Variants in SERINC3 observed in about 807,000 individuals in gnomAD.
SERINC3 encodes serine incorporator 3.
Under a neutral mutation model 52.1 loss-of-function variants are expected in SERINC3, and 22 were observed. The observed-to-expected ratio is 0.42, with a 90% CI of 0.30 to 0.60. The LOEUF is 0.60. Ranked by LOEUF, SERINC3 falls within the 20% of genes least tolerant of loss-of-function variation. The pLI is 0.16. For missense variants in SERINC3, 564 were observed against 584.6 expected, an observed-to-expected ratio of 0.96 and a Z score of 0.36; for synonymous variants, 226 against 212.7, an observed-to-expected ratio of 1.06 and a Z score of -0.54.
At chr20:44,516,344 T>C (rs1053435330) in intron 1 of SERINC3, among the ~76,000 whole-genome samples, 6 of 152,286 alleles carry the variant, frequency 3.9e-5, no homozygotes, top group South Asian at 4.2e-4. Context: ...CTAAAATCTG[T>C]TAGTGACCAC....
At chr20:44,509,110 G>A (rs184602082) in intron 5 of SERINC3, among the ~76,000 whole-genome samples, 138 of 152,312 alleles carry the variant, frequency 9.1e-4, no homozygotes, top group African/African-American at 3.2e-3. Flanking sequence ...TTATGAAGTA[G>A]TAAGTGCTCT....
At chr20:44,516,462 G>A (rs1006736218) in intron 1 of SERINC3, among the ~76,000 whole-genome samples, 4 of 150,952 alleles carry the variant, frequency 2.6e-5, no homozygotes, top group Admixed American at 1.3e-4. Flanking sequence ...ACGCCATCTC[G>A]GCTCACTGCA....
At chr20:44,520,363 T>C (rs971358480) in intron 1 of SERINC3, among the ~76,000 whole-genome samples, 2 of 152,154 alleles carry the variant, frequency 1.3e-5, no homozygotes, top group African/African-American at 4.8e-5. Flanking sequence ...ACCCGTTCCC[T>C]CTACACCTTG....
In SERINC3 at chr20:44,506,965, G is replaced by A. The variant is rs781363126; in HGVS notation, c.645C>T (p.Ile215=). The A allele has an allele frequency of 1.4e-5, 23 of 1,604,978 alleles. No individual in the cohort carries two copies. Among genetic ancestry groups the A allele is most frequent in the African/African-American group, 1.3e-5 (1 of 74,460 alleles). ...ALLSFTSAFY[I]LSIICVGLLY... is the part of the protein sequence containing the mutation. ...GCAGCCCGACACAGATGATTGACAG[G>A]ATATAAAAGGCGCTTGTGAAAGACA... Residue 215 remains isoleucine (I), a synonymous_variant, in exon 6 of 10, where the codon ATC becomes ATT. Transcript: ENST00000342374.
intron 7 of SERINC3, 41 bp from the exon 8 acceptor site, chr20:44,504,036 A>C: frequency 1.4e-4 from 217 of 1,517,572 alleles, no homozygotes; most frequent in Non-Finnish European, 1.7e-4. Context: ...GTTACAGCTC[A>C]TCTTGTTCCA....
chr20:44,516,492 A>T (rs1016237118), intron 1 of SERINC3, among the ~76,000 whole-genome samples: 1 of 151,858 alleles, frequency 6.6e-6, no homozygotes, highest in Non-Finnish European at 1.5e-5. Context: ...TCCTGGGATC[A>T]AGCAATTCTA....
chr20:44,514,185 C>T (rs75927595), intron 1 of SERINC3, 145 bp from the exon 2 acceptor site: 11,671 of 819,640 alleles, frequency 0.014, 130 homozygotes, highest in Non-Finnish European at 0.018. Context: ...GTTAAAAGTA[C>T]GGGCTCTGGA....
At chr20:44,507,429 T>C (rs1004430093) in intron 5 of SERINC3, among the ~76,000 whole-genome samples, 1 of 152,270 alleles carries the variant, frequency 6.6e-6, no homozygotes, top group African/African-American at 2.4e-5. Context: ...TATCTTTTTA[T>C]GACAGTTTTT....
chr20:44,501,103 T>C lies in SERINC3; in HGVS notation c.1253A>G (p.Tyr418Cys). 2 of 1,614,064 alleles carry C rather than the reference T, an allele frequency of 1.2e-6. No homozygotes were observed. The highest frequency in any genetic ancestry group is 1.7e-6 in the Non-Finnish European group (2 of 1,179,978). ...FHLMLCLASL[Y>C]IMMTLTSWYS... ...CCAGCTGGTCAGGGTCATCATGATG[T>C]ACAAGGAAGCCAAGCAGAGCATGAG... Residue 418 changes from tyrosine (Y) to cysteine (C), a missense_variant, in exon 9 of 10, where the codon TAC becomes TGC. Transcript: ENST00000342374.
Position 44,501,244 on chromosome 20 carries a change from C to G in SERINC3, c.1112G>C (p.Ser371Thr). ...GGTAGTTGTATCACCAAGGATGACG[C>G]TGTCACTCCCTGACAGGGTCAGCTT... ...VDKLTLSGSDSVILGDTTTSG... is the reference protein window; with the variant it reads ...VDKLTLSGSDTVILGDTTTSG... The change falls in exon 9 of 10, where the codon AGC becomes ACC. Residue 371 changes from serine (S) to threonine (T), a missense_variant. Coordinates refer to ENST00000342374, the MANE Select transcript of SERINC3 (RefSeq NM_006811.4). 2 of 1,614,194 alleles carry G rather than the reference C, an allele frequency of 1.2e-6. No homozygotes were observed. Among genetic ancestry groups the G allele is most frequent in the Non-Finnish European group, 1.7e-6 (2 of 1,180,038 alleles).
At position 44,503,832 on chromosome 20, in the gene SERINC3, G is replaced by T; in HGVS notation, c.1038C>A (p.Leu346=). Residue 346 remains leucine (L), a synonymous_variant, in exon 8 of 10, where the codon CTC becomes CTA. Transcript: ENST00000342374. ...DNFIGLFVFV[L]CLLYSSIRTS... is the part of the protein sequence containing the mutation. The stretch of plus-strand genomic sequence containing the variant: ...TAACTTACCTAGAATACAAGAGGCA[G>T]AGAACAAAGACAAACAGTCCAATAA... The T allele has an allele frequency of 1.3e-6, 2 of 1,558,170 alleles. No homozygotes were observed. Among genetic ancestry groups the T allele is most frequent in the Non-Finnish European group, 1.7e-6 (2 of 1,160,554 alleles).
At chr20:44,502,444 A>G (rs1230136572) in intron 8 of SERINC3, among the ~76,000 whole-genome samples, 3 of 151,748 alleles carry the variant, frequency 2.0e-5, no homozygotes, top group Admixed American at 2.0e-4. Context: ...TTAGCTGGGC[A>G]TGATGGTGTG....
chr20:44,509,443 T>C (rs1159755316), intron 5 of SERINC3, among the ~76,000 whole-genome samples: 1 of 152,226 alleles, frequency 6.6e-6, no homozygotes, highest in Non-Finnish European at 1.5e-5. Context: ...ATCGAACAAT[T>C]TATATTATCT....
At position 44,510,162 on chromosome 20, in the gene SERINC3, T is replaced by C. The variant is rs888939443; in HGVS notation, c.476-134A>G. ...TTCTGTCTCCAGCAGTACAGCAAGA[T>C]TCCAAACTCAACGGCATTCTTAAAA... On this transcript the variant is annotated intron_variant, in intron 4 of 9. Transcript: ENST00000342374. 4.5e-5 allele frequency: 36 copies of C among 793,564 alleles called. No homozygotes were observed. The East Asian group carries it at 9.6e-4, about 21-fold the overall frequency. 49.2% of individuals were successfully genotyped at this position (793,564 alleles called of 1,614,324 possible). A position where few individuals can be genotyped will look rare whatever the true frequency, so the allele number is the denominator to read the frequency against.
rs1429954816 is a variant in SERINC3, at chr20:44,503,985, G to T, written c.885C>A (p.Cys295Ter). 1 of 1,573,756 alleles carries T rather than the reference G, an allele frequency of 6.4e-7. No individual in the cohort carries two copies. The highest frequency in any genetic ancestry group is 1.4e-5 in the African/African-American group (1 of 72,144). ...TAATAAAGCTCATCAGGTTGGGATT[G>T]CAGGAACGATCTGAAAATGAGAAAA... ...SAMSNEPDRS[C>*]NPNLMSFITR... Residue 295 changes from cysteine to a stop codon, truncating the protein, a stop_gained, in exon 8 of 10, where the codon TGC becomes TGA. Transcript: ENST00000342374. LOFTEE classifies it high-confidence loss of function.
intron 1 of SERINC3, among the ~76,000 whole-genome samples, chr20:44,520,067 A>G (rs978513173): frequency 6.6e-6 from 1 of 152,194 alleles, no homozygotes; most frequent in Admixed American, 6.5e-5. Context: ...CCAAAAGCCA[A>G]TGATTTAATG....
At chr20:44,517,094 A>G (rs942226907) in intron 1 of SERINC3, among the ~76,000 whole-genome samples, 3 of 152,182 alleles carry the variant, frequency 2.0e-5, no homozygotes, top group African/African-American at 7.2e-5. Flanking sequence ...ACATTCTAAA[A>G]AAGTTCAGTT....
intron 2 of SERINC3, among the ~76,000 whole-genome samples, chr20:44,513,378 C>T (rs375468355): frequency 5.9e-5 from 9 of 151,924 alleles, no homozygotes; most frequent in Non-Finnish European, 8.8e-5. Context: ...CCCAGCTACT[C>T]GGGAGGCTGA....
chr20:44,504,828 T>C lies in SERINC3; in HGVS notation c.847A>G (p.Thr283Ala), dbSNP rs756046107. 6.2e-7 allele frequency: 1 copy of C among 1,611,848 alleles called. No homozygotes were observed. Residue 283 changes from threonine to alanine, a missense_variant, in exon 7 of 10, where the codon ACC becomes GCC. Thr to Ala is a moderately conservative substitution (Grantham distance 58). Coordinates refer to ENST00000342374, the MANE Select transcript of SERINC3 (RefSeq NM_006811.4). ...GGTTCATTGGACATGGCTGACCAGGTGAGGTACATAGTGTAGAGGGTGATG... is the reference window on the plus strand; with the variant it reads ...GGTTCATTGGACATGGCTGACCAGGCGAGGTACATAGTGTAGAGGGTGATG... ...SLITLYTMYLTWSAMSNEPDR... is the reference protein window; with the variant it reads ...SLITLYTMYLAWSAMSNEPDR...
Sources: allele counts gnomAD v4.1 joint callset (sites outside exome capture counted in the v4.1 genomes callset), GRCh38; gene constraint gnomAD v4.1.1; transcripts MANE v1.5; gene names NCBI Gene and HGNC (gene_info 2026-07-23, HGNC 2026-07-21).